ELAVL2: variants seen among roughly 807,000 people sequenced by gnomAD.
ELAVL2 encodes the protein ELAV like RNA binding protein 2.
Under a neutral mutation model 34.6 loss-of-function variants are expected in ELAVL2, and 4 were observed. That is an observed-to-expected ratio of 0.12 (90% CI 0.06 to 0.26). ELAVL2 has a LOEUF of 0.26. Among genes scored for constraint, ELAVL2 ranks in the 10% least tolerant of loss-of-function variants. The probability of loss-of-function intolerance (pLI) is 1.00; values close to 1 mark genes in which losing one functional copy is unlikely to be tolerated. For missense variants in ELAVL2, 432 were observed against 442.8 expected (o/e 0.98, Z 0.22); for synonymous variants, 193 against 154.8 (o/e 1.25, Z -1.83).
At chr9:23,844,284 A>AT in the ELAVL2 span, among the ~76,000 whole-genome samples, 1 of 151,936 alleles carries the variant, frequency 6.6e-6, no homozygotes, top group African/African-American at 2.4e-5. Flanking sequence ...CAGCACAGCC[A>AT]TTTTTTCCAG....
intron 3 of ELAVL2, among the ~76,000 whole-genome samples, chr9:23,729,103 G>T (rs964546482): frequency 1.3e-5 from 2 of 152,134 alleles, no homozygotes; most frequent in Admixed American, 1.3e-4. Context: ...TGAAGGCCAC[G>T]GGCATTTCTC....
At chr9:23,746,890 T>C (rs551165172) in intron 2 of ELAVL2, among the ~76,000 whole-genome samples, 7 of 150,974 alleles carry the variant, frequency 4.6e-5, no homozygotes, top group Non-Finnish European at 1.0e-4. Context: ...AATCATCAAA[T>C]GAAATAATCA....
At chr9:23,770,874 G>C (rs62541664) in intron 1 of ELAVL2, among the ~76,000 whole-genome samples, 1 of 152,168 alleles carries the variant, frequency 6.6e-6, no homozygotes, top group Non-Finnish European at 1.5e-5. Context: ...TAGAAGAAAA[G>C]ATTCTAGGCA....
At chr9:23,728,564 G>A (rs1347983720) in intron 3 of ELAVL2, among the ~76,000 whole-genome samples, 1 of 152,066 alleles carries the variant, frequency 6.6e-6, no homozygotes, top group Non-Finnish European at 1.5e-5. Flanking sequence ...CGAGTAAAGT[G>A]GTGCTGTGTA....
At chr9:23,773,497 G>C (rs1203718575) in intron 1 of ELAVL2, among the ~76,000 whole-genome samples, 2 of 152,178 alleles carry the variant, frequency 1.3e-5, no homozygotes, top group Non-Finnish European at 2.9e-5. Context: ...ATCTCAAAAA[G>C]TAGGTGGGGC....
Position 23,825,221 on chromosome 9 carries a change from G to GCCCAGC in ELAVL2, c.-16+579_-16+584dup, listed in dbSNP as rs1328194516. Among the ~76,000 whole-genome samples, 7 of 152,224 alleles carry GCCCAGC rather than the reference G, an allele frequency of 4.6e-5. No individual in the cohort carries two copies. In the South Asian group the frequency reaches 1.5e-3, roughly 32 times the overall value. On this transcript the variant is annotated intron_variant, in intron 1 of 6. Coordinates refer to ENST00000397312, the MANE Select transcript of ELAVL2 (RefSeq NM_004432.5). ...ACAGCTTCTAACAACCCTAGCCTCA[G>GCCCAGC]CCCAGCCCCAGCCCCAGCCCTCAGG... is the stretch of plus-strand genomic sequence containing the variant.
At chr9:23,750,383 C>CA (rs1427217683) in intron 2 of ELAVL2, among the ~76,000 whole-genome samples, 1 of 151,834 alleles carries the variant, frequency 6.6e-6, no homozygotes, top group Non-Finnish European at 1.5e-5. Flanking sequence ...AATCCTATTC[C>CA]AATATGTATA....
chr9:23,775,960 T>A (rs1344466097), intron 1 of ELAVL2, among the ~76,000 whole-genome samples: 1 of 152,094 alleles, frequency 6.6e-6, no homozygotes, highest in African/African-American at 2.4e-5. Context: ...CTCACCTTTA[T>A]CTCCCCAGTA....
At chr9:23,726,737 G>C (rs1251517886) in intron 3 of ELAVL2, among the ~76,000 whole-genome samples, 1 of 152,098 alleles carries the variant, frequency 6.6e-6, no homozygotes, top group Non-Finnish European at 1.5e-5. Flanking sequence ...TGCTAATCAT[G>C]AATTTAAGTC....
rs1300765657 is a variant in ELAVL2, at chr9:23,713,252, G to A, written c.334-8181C>T. 3.3e-5 allele frequency among the ~76,000 whole-genome samples: 5 copies of A among 152,114 alleles called. No individual in the cohort carries two copies. In the East Asian group the frequency reaches 7.7e-4, roughly 23 times the overall value. On this transcript the variant is annotated intron_variant, in intron 3 of 6. Transcript: ENST00000397312. ...AAAGATATTCTTGAAATGCAACTTAGGCCATAAATACCTTACCATTTCTTA... is the reference window on the plus strand; with the variant it reads ...AAAGATATTCTTGAAATGCAACTTAAGCCATAAATACCTTACCATTTCTTA...
intron 5 of ELAVL2, among the ~76,000 whole-genome samples, chr9:23,699,807 C>G (rs2036512699): frequency 1.9e-5 from 2 of 104,840 alleles, no homozygotes; most frequent in African/African-American, 3.6e-5. Context: ...TCAAAGGTGG[C>G]AAAGGTTTTT....
chr9:23,743,213 G>A (rs1159290407), intron 2 of ELAVL2, among the ~76,000 whole-genome samples: 2 of 152,140 alleles, frequency 1.3e-5, no homozygotes, highest in Admixed American at 6.6e-5. Context: ...TTATGCTACA[G>A]CAAACCACTC....
At chr9:23,784,490 T>TA (rs1182292789) in intron 1 of ELAVL2, among the ~76,000 whole-genome samples, 2 of 152,214 alleles carry the variant, frequency 1.3e-5, no homozygotes, top group African/African-American at 4.8e-5. Flanking sequence ...GCCACACACA[T>TA]ACTAGGTAGT....
intron 1 of ELAVL2, 46 bp from the exon 2 acceptor site, chr9:23,762,295 C>A (rs559644990): frequency 1.3e-6 from 2 of 1,590,926 alleles, no homozygotes; most frequent in Non-Finnish European, 1.7e-6. Context: ...TATTTCACAA[C>A]CTATTAGAGA....
At chr9:23,702,681 C>T (rs528363691) in intron 4 of ELAVL2, among the ~76,000 whole-genome samples, 2 of 151,488 alleles carry the variant, frequency 1.3e-5, no homozygotes, top group Non-Finnish European at 2.9e-5. Flanking sequence ...GCATTTTTTC[C>T]ACATATGCGT....
chr9:23,779,196 G>T, intron 1 of ELAVL2: 1 of 985,368 alleles, frequency 1.0e-6, no homozygotes, highest in Non-Finnish European at 1.2e-6. Flanking sequence ...AAAACAGGAG[G>T]TAAGTGGGGA....
intron 1 of ELAVL2, among the ~76,000 whole-genome samples, chr9:23,768,704 A>C (rs1041102288): frequency 6.6e-6 from 1 of 152,192 alleles, no homozygotes; most frequent in African/African-American, 2.4e-5. Flanking sequence ...CTATCACACT[A>C]ACTACAAAAC....
At chr9:23,789,176 TAGTCCCTATATAGAGGGACTGCTTATTC>T (rs1360194034) in intron 1 of ELAVL2, among the ~76,000 whole-genome samples, 5 of 152,148 alleles carry the variant, frequency 3.3e-5, no homozygotes, top group Non-Finnish European at 7.4e-5. Flanking sequence ...CAGTTCCTAT[TAGTCCCTATATAGAGGGACTGCTTATTC>T]AGTCCCTATA....
chr9:23,718,547 G>A (rs1227225326), intron 3 of ELAVL2, among the ~76,000 whole-genome samples: 1 of 152,164 alleles, frequency 6.6e-6, no homozygotes, highest in Non-Finnish European at 1.5e-5. Context: ...TTAACAGGCA[G>A]AGATGGAAAT....
Sources: gnomAD v4.1 joint callset for allele counts (sites outside exome capture counted in the v4.1 genomes callset) on GRCh38, gnomAD v4.1.1 for gene constraint, MANE v1.5 for transcripts, NCBI Gene and HGNC (gene_info 2026-07-23, HGNC 2026-07-21) for gene names.